ZNF331: variants seen among roughly 807,000 people sequenced by gnomAD.
The protein encoded by ZNF331 is C2H2-like zinc finger protein rearranged in thyroid adenomas.
ZNF331 carries 2 observed loss-of-function variants against 7.0 expected under a neutral mutation model. The ratio of observed to expected loss-of-function variants is 0.29; its 90% confidence interval spans 0.12 to 0.90. ZNF331 has a LOEUF of 0.90. Among genes scored for constraint, ZNF331 ranks in the 40% least tolerant of loss-of-function variants. The probability of loss-of-function intolerance (pLI) is 0.58; values close to 1 mark genes in which losing one functional copy is unlikely to be tolerated. For synonymous variants in ZNF331, 196 were observed against 205.4 expected, an observed-to-expected ratio of 0.95 and a Z score of 0.39; for missense variants, 432 against 587.7, an observed-to-expected ratio of 0.74 and a Z score of 2.74.
the ZNF331 span, among the ~76,000 whole-genome samples, chr19:53,513,454 T>A: frequency 2.6e-5 from 4 of 152,010 alleles, no homozygotes; most frequent in African/African-American, 9.7e-5. Context: ...TTAGAATTTT[T>A]AAAAATATAA....
At chr19:53,568,965 C>T (rs570951834) in intron 3 of ZNF331, among the ~76,000 whole-genome samples, 1 of 151,142 alleles carries the variant, frequency 6.6e-6, no homozygotes, top group South Asian at 2.1e-4. Context: ...CAAGCGATTC[C>T]CCTGCCTCAA....
chr19:53,543,704 G>C (rs914820121), intron 2 of ZNF331, among the ~76,000 whole-genome samples: 3 of 152,164 alleles, frequency 2.0e-5, no homozygotes, highest in African/African-American at 7.2e-5. Context: ...ACATATTATT[G>C]AGTGTTTTAC....
At chr19:53,517,161 C>T (rs2086922181), upstream of ZNF331, among the ~76,000 whole-genome samples, 1 of 152,068 alleles carries the variant, frequency 6.6e-6, no homozygotes, top group African/African-American at 2.4e-5. Context: ...AGAAAACGCG[C>T]ACAACAGCAC....
chr19:53,533,664 G>A (rs1474695810), upstream of ZNF331, among the ~76,000 whole-genome samples: 3 of 152,086 alleles, frequency 2.0e-5, no homozygotes, highest in East Asian at 1.9e-4. Flanking sequence ...ATATTTACAC[G>A]ATCCAATGTT....
chr19:53,559,307 AC>A (rs1294437666), intron 3 of ZNF331, among the ~76,000 whole-genome samples: 2 of 149,298 alleles, frequency 1.3e-5, no homozygotes, highest in Admixed American at 6.7e-5. Context: ...ATACAAACAC[AC>A]CCCATGTACA....
chr19:53,575,293 C>T (rs1340967682), intron 5 of ZNF331, among the ~76,000 whole-genome samples: 2 of 151,904 alleles, frequency 1.3e-5, no homozygotes, highest in African/African-American at 4.8e-5. Flanking sequence ...CAGAGCTGGC[C>T]ATTTAACATT....
Position 53,576,679 on chromosome 19 carries a change from T to C in ZNF331, c.137-18T>C, listed in dbSNP as rs1410987919. The C allele has an allele frequency of 6.3e-7, 1 of 1,581,950 alleles. No individual in the cohort carries two copies. Among genetic ancestry groups the C allele is most frequent in the Non-Finnish European group, 8.6e-7 (1 of 1,166,672 alleles). Reference sequence around the variant, plus strand: ...TTGTGTCCCTCTAAAGGAAAGAAAATATGTTCTTTTTTCCCAGATTTGGAG... The same window carrying C: ...TTGTGTCCCTCTAAAGGAAAGAAAACATGTTCTTTTTTCCCAGATTTGGAG... On this transcript the variant is annotated intron_variant, in intron 5 of 5. Coordinates refer to ENST00000449416, the MANE Select transcript of ZNF331 (RefSeq NM_001079906.2).
chr19:53,565,512 T>A (rs1357399608), intron 3 of ZNF331, among the ~76,000 whole-genome samples: 1 of 152,010 alleles, frequency 6.6e-6, no homozygotes, highest in Non-Finnish European at 1.5e-5. Context: ...TTTTGTCCTT[T>A]ATCCTTTTTT....
intron 3 of ZNF331, among the ~76,000 whole-genome samples, chr19:53,566,425 T>A (rs1302583597): frequency 6.6e-6 from 1 of 152,136 alleles, no homozygotes; most frequent in Non-Finnish European, 1.5e-5. Context: ...CCCAAGTAGC[T>A]GGGTTTACAG....
rs183333549 is a variant in ZNF331 at position 53,560,351 on chromosome 19, A to G, written c.-74+4443A>G. 6.6e-6 allele frequency among the ~76,000 whole-genome samples: 1 copy of G among 152,200 alleles called. No homozygotes were observed. The highest frequency in any genetic ancestry group is 1.9e-4 in the East Asian group (1 of 5,174). ...ACACATATATAAACACCATATATAT[A>G]CAGACACATATACACACCCACAGAT... On this transcript the variant is annotated intron_variant, in intron 3 of 5. Coordinates refer to ENST00000449416, the MANE Select transcript of ZNF331 (RefSeq NM_001079906.2). The surrounding 1 kb of genome is among the most constrained non-coding windows in gnomAD (Gnocchi z 4.3).
At chr19:53,513,239 C>T in the ZNF331 span, among the ~76,000 whole-genome samples, 717 of 151,996 alleles carry the variant, frequency 4.7e-3, no homozygotes, top group Non-Finnish European at 6.7e-3. Flanking sequence ...ATACGGCTGA[C>T]GTGCCTTGGC....
At chr19:53,520,366 A>C (rs1431623016), upstream of ZNF331, among the ~76,000 whole-genome samples, 1 of 152,144 alleles carries the variant, frequency 6.6e-6, no homozygotes, top group Non-Finnish European at 1.5e-5. Flanking sequence ...CCTTCCCAGA[A>C]GGACGCGGGG....
the ZNF331 span, among the ~76,000 whole-genome samples, chr19:53,506,495 T>C: frequency 7.2e-6 from 1 of 139,768 alleles, no homozygotes; most frequent in South Asian, 2.2e-4. Context: ...TGTCTCTCTC[T>C]CTCTCTCTCT....
the ZNF331 span, chr19:53,504,035 A>C: frequency 2.1e-6 from 1 of 468,474 alleles, no homozygotes; most frequent in African/African-American, 2.0e-5. Flanking sequence ...CAGCACATTC[A>C]TAGGACCAGC....
intron 2 of ZNF331, among the ~76,000 whole-genome samples, chr19:53,541,220 C>G (rs751528307): frequency 6.6e-6 from 1 of 151,624 alleles, no homozygotes; most frequent in Non-Finnish European, 1.5e-5. Flanking sequence ...CAATTCCTGC[C>G]TCAGTCTCCT....
At chr19:53,521,331 A>ATTGAGTGT (rs1555748069) in exon 1 of ZNF331, 2 of 129,114 alleles carry the variant, frequency 1.5e-5, no homozygotes, top group African/African-American at 6.0e-5. Flanking sequence ...AGTGTGTGTG[A>ATTGAGTGT]GTGTGTGTGT....
upstream of ZNF331, among the ~76,000 whole-genome samples, chr19:53,535,034 AAAAAAT>A (rs1432505992): frequency 6.6e-6 from 1 of 151,074 alleles, no homozygotes; most frequent in African/African-American, 2.4e-5. Context: ...AAAAAAAAAA[AAAAAAT>A]TATTCCCCTA....
At chr19:53,566,250 C>T (rs2090149801) in intron 3 of ZNF331, among the ~76,000 whole-genome samples, 1 of 152,134 alleles carries the variant, frequency 6.6e-6, no homozygotes, top group Non-Finnish European at 1.5e-5. Flanking sequence ...TCCATGTTAT[C>T]GACCAGGGAA....
chr19:53,519,776 C>T (rs996989171), upstream of ZNF331, among the ~76,000 whole-genome samples: 1 of 152,094 alleles, frequency 6.6e-6, no homozygotes, highest in Non-Finnish European at 1.5e-5. Flanking sequence ...AGGACCAGGT[C>T]ACTCCCGTGG....
Sources: allele counts gnomAD v4.1 joint callset (sites outside exome capture counted in the v4.1 genomes callset), GRCh38; gene constraint gnomAD v4.1.1; non-coding constraint Gnocchi (gnomAD v3.1); transcripts MANE v1.5; gene names NCBI Gene and HGNC (gene_info 2026-07-23, HGNC 2026-07-21).